Variants in FLRT1 observed in about 807,000 individuals in gnomAD.
The protein encoded by FLRT1 is fibronectin leucine rich transmembrane protein 1, also known as leucine-rich repeat transmembrane protein FLRT1.
FLRT1 carries 14 observed loss-of-function variants against 30.9 expected under a neutral mutation model. The ratio of observed to expected loss-of-function variants is 0.45; its 90% CI spans 0.30 to 0.71. The LOEUF (loss-of-function observed/expected upper bound fraction) is 0.71. FLRT1 is among the 30% of genes least tolerant of loss of function. The pLI, the probability that FLRT1 is intolerant of heterozygous loss-of-function variation, is 0.08. For synonymous variants in FLRT1, 368 were observed against 430.4 expected, an observed-to-expected ratio of 0.85 and a Z score of 1.80; for missense variants, 737 against 949.2, an observed-to-expected ratio of 0.78 and a Z score of 2.94.
chr11:64,079,940 C>T (rs1009031748), intron 1 of FLRT1, among the ~76,000 whole-genome samples: 5 of 152,194 alleles, frequency 3.3e-5, no homozygotes, highest in Non-Finnish European at 5.9e-5. Context: ...AAGGGACAAA[C>T]TGACCTGAGA....
At chr11:64,065,533 T>C (rs569414399) in intron 1 of FLRT1, among the ~76,000 whole-genome samples, 1 of 152,260 alleles carries the variant, frequency 6.6e-6, no homozygotes, top group South Asian at 2.1e-4. Context: ...CTCATGCCTG[T>C]AATCCCAGCA....
In FLRT1 at chr11:64,117,251, C is replaced by G; in HGVS notation, c.984C>G (p.Asn328Lys). Residue 328 changes from asparagine (N) to lysine (K), a missense_variant, in exon 3 of 3, where the codon AAC (asparagine) becomes AAG (lysine). Physicochemically the swap from Asn to Lys is moderately conservative, Grantham distance 94. Coordinates refer to ENST00000682287, the MANE Select transcript of FLRT1 (RefSeq NM_013280.5). ...GNLAQLLLRN[N>K]PWFCGCNLMW... ...TGGCCCAGCTGCTGCTCAGGAACAA[C>G]CCTTGGTTTTGTGGCTGCAACCTCA... 6.2e-7 allele frequency: 1 copy of G among 1,614,224 alleles called. No individual in the cohort carries two copies. Among genetic ancestry groups the G allele is most frequent in the Non-Finnish European group, 8.5e-7 (1 of 1,180,026 alleles).
rs1944325244 is a variant in FLRT1, at chr11:64,082,664, C to T, written c.-1037-20530C>T. Among the ~76,000 whole-genome samples, 1 of 152,088 alleles carries T rather than the reference C, an allele frequency of 6.6e-6. No individual in the cohort carries two copies. The highest frequency in any genetic ancestry group is 1.5e-5 in the Non-Finnish European group (1 of 67,982). On this transcript the variant is annotated intron_variant, in intron 1 of 2. Coordinates refer to ENST00000682287, the MANE Select transcript of FLRT1 (RefSeq NM_013280.5). This position sits in a 1 kb window ranked among gnomAD's most constrained non-coding sequence, Gnocchi z 4.5. ...GGGTGGGGACCCCCAGCCTGGAGCC[C>T]CAGACCCCTGTCCTGCTCCACCCTG... is the stretch of plus-strand genomic sequence containing the variant.
At chr11:64,084,962 T>C (rs994157934) in intron 1 of FLRT1, among the ~76,000 whole-genome samples, 2 of 152,202 alleles carry the variant, frequency 1.3e-5, no homozygotes, top group Non-Finnish European at 2.9e-5. Context: ...TTTCCGTCTA[T>C]GGGGAGGCCA....
intron 1 of FLRT1, among the ~76,000 whole-genome samples, chr11:64,080,986 A>C (rs1182871922): frequency 6.6e-6 from 1 of 152,158 alleles, no homozygotes; most frequent in African/African-American, 2.4e-5. Context: ...CTGTTTAATG[A>C]GGGGACATTC....
rs189216287 is a variant in FLRT1, at chr11:64,082,331, C to T, written c.-1037-20863C>T. ...CAGAGACGCTGGGTGGAGGATGATC[C>T]GGGGGGACCGTGGAAGGCAGGACGG... On this transcript the variant is annotated intron_variant, in intron 1 of 2. Transcript: ENST00000682287. The surrounding 1 kb of genome is among the most constrained non-coding windows in gnomAD (Gnocchi z 4.5). 4.0e-5 allele frequency among the ~76,000 whole-genome samples: 6 copies of T among 151,772 alleles called. No homozygotes were observed. The highest frequency in any genetic ancestry group is 3.9e-4 in the East Asian group (2 of 5,144).
rs181376258 is a variant in FLRT1 at position 64,103,019 on chromosome 11, C to T, written c.-1037-175C>T. On this transcript the variant is annotated intron_variant, in intron 1 of 2. Transcript: ENST00000682287. ...CTGGGAGGCAGAGGTCGCAGTGAGCCGAGATTGTGCCACTGCACTCTAGCC... is the reference window on the plus strand; with the variant it reads ...CTGGGAGGCAGAGGTCGCAGTGAGCTGAGATTGTGCCACTGCACTCTAGCC... Among the ~76,000 whole-genome samples, 491 of 151,590 alleles carry T rather than the reference C, an allele frequency of 3.2e-3. 3 individuals are homozygous for T. The highest frequency in any genetic ancestry group is 0.02 in the Middle Eastern group (6 of 294).
At chr11:64,063,897 C>T (rs995104180) in intron 1 of FLRT1, among the ~76,000 whole-genome samples, 1 of 152,218 alleles carries the variant, frequency 6.6e-6, no homozygotes, top group African/African-American at 2.4e-5. Flanking sequence ...TGGAGGGGGA[C>T]CAGCCGGGCC....
intron 1 of FLRT1, among the ~76,000 whole-genome samples, chr11:64,051,382 A>G (rs748402233): frequency 2.0e-4 from 30 of 152,192 alleles, no homozygotes; most frequent in Non-Finnish European, 4.1e-4. Context: ...GAGAGGCAGC[A>G]GGGACTCTGG....
intron 1 of FLRT1, among the ~76,000 whole-genome samples, chr11:64,083,276 A>G (rs1433232356): frequency 6.6e-6 from 1 of 152,116 alleles, no homozygotes; most frequent in Non-Finnish European, 1.5e-5. Flanking sequence ...TCTCTACTAA[A>G]ATACAAAAAA....
intron 2 of FLRT1, among the ~76,000 whole-genome samples, chr11:64,114,488 A>AATGG (rs1322243261): frequency 1.3e-4 from 12 of 92,250 alleles, no homozygotes; most frequent in Admixed American, 3.2e-4. Flanking sequence ...GGGATGGTTG[A>AATGG]ATGGATGGAT....
At chr11:64,061,051 G>T (rs913305600) in intron 1 of FLRT1, among the ~76,000 whole-genome samples, 2 of 152,250 alleles carry the variant, frequency 1.3e-5, no homozygotes, top group Non-Finnish European at 2.9e-5. Flanking sequence ...TGTCTTGATG[G>T]AAAGGGCTTG....
At chr11:64,108,901 C>T (rs1014709034) in intron 2 of FLRT1, among the ~76,000 whole-genome samples, 4 of 152,204 alleles carry the variant, frequency 2.6e-5, no homozygotes, top group African/African-American at 4.8e-5. Flanking sequence ...CACACCAGTG[C>T]CAGGCCACAT....
At position 64,117,876 on chromosome 11, in the gene FLRT1, A is replaced by G. The variant is rs911603132; in HGVS notation, c.1609A>G (p.Thr537Ala). ...GACAGCCGACAGCTATGGCCCTACC[A>G]CCACACTCAACCAGGAGCAGAACGC... ...AETADSYGPT[T>A]TLNQEQNAGP... is the part of the protein sequence containing the mutation. Residue 537 changes from threonine (T) to alanine (A), a missense_variant, in exon 3 of 3, where the codon ACC becomes GCC. Thr to Ala is a moderately conservative substitution (Grantham distance 58, BLOSUM62 0). Coordinates refer to ENST00000682287, the MANE Select transcript of FLRT1 (RefSeq NM_013280.5). 4 of 1,613,984 alleles carry G rather than the reference A, an allele frequency of 2.5e-6. No homozygotes were observed. In the Admixed American group the frequency reaches 6.7e-5, roughly 27 times the overall value.
rs566931945 is a variant in FLRT1, at chr11:64,058,571, G to A, written c.-1038+22412G>A. The stretch of plus-strand genomic sequence containing the variant: ...AGATGCCACGAGGACACTGAAGAGG[G>A]GGTGGTGGAGGAGCCGGCAGCTGCC... On this transcript the variant is annotated intron_variant, in intron 1 of 2. Coordinates refer to ENST00000682287, the MANE Select transcript of FLRT1 (RefSeq NM_013280.5). 7.9e-5 allele frequency among the ~76,000 whole-genome samples: 12 copies of A among 152,394 alleles called. No homozygotes were observed. In the South Asian group the frequency reaches 2.3e-3, roughly 29 times the overall value.
intron 1 of FLRT1, among the ~76,000 whole-genome samples, chr11:64,095,002 C>T (rs1011463167): frequency 3.3e-5 from 5 of 152,156 alleles, no homozygotes; most frequent in Non-Finnish European, 7.4e-5. Context: ...CAAAGAGCCT[C>T]GTTATTAACA....
At chr11:64,061,308 C>T (rs1943899345) in intron 1 of FLRT1, among the ~76,000 whole-genome samples, 4 of 152,340 alleles carry the variant, frequency 2.6e-5, no homozygotes, top group East Asian at 3.9e-4. Flanking sequence ...TTGCAGCCGT[C>T]TGCCCTTCCT....
chr11:64,065,561 G>A (rs992901582), intron 1 of FLRT1, among the ~76,000 whole-genome samples: 1 of 152,010 alleles, frequency 6.6e-6, no homozygotes, highest in East Asian at 1.9e-4. Flanking sequence ...AGGCCAAGGT[G>A]GGCGAATCAC....
chr11:64,074,506 G>A (rs572880499), intron 1 of FLRT1, among the ~76,000 whole-genome samples: 1 of 152,320 alleles, frequency 6.6e-6, no homozygotes, highest in South Asian at 2.1e-4. Context: ...GCTCAGAGAG[G>A]TTCAGTTTCT....
Sources: allele counts gnomAD v4.1 joint callset (sites outside exome capture counted in the v4.1 genomes callset), GRCh38; gene constraint gnomAD v4.1.1; non-coding constraint Gnocchi (gnomAD v3.1); transcripts MANE v1.5; gene names NCBI Gene and HGNC (gene_info 2026-07-23, HGNC 2026-07-21).